The following MTMR2 variants were observed in gnomAD, a reference collection of about 807,000 sequenced individuals.
The protein encoded by MTMR2 is myotubularin related protein 2, also known as phosphatidylinositol-3,5-bisphosphate 3-phosphatase MTMR2.
Under a neutral mutation model 86.9 loss-of-function variants are expected in MTMR2, and 55 were observed. That is an observed-to-expected ratio of 0.63 (90% CI 0.51 to 0.79). MTMR2 has a LOEUF of 0.79. MTMR2 is among the 30% of genes least tolerant of loss of function. The pLI is 0.00. For synonymous variants in MTMR2, 241 were observed against 266.8 expected (o/e 0.90, Z 0.94); for missense variants, 659 against 772.3 (o/e 0.85, Z 1.74).
Position 95,923,969 on chromosome 11 carries a change from A to T in MTMR2, c.-15T>A. 4 of 1,555,044 alleles carry T rather than the reference A, an allele frequency of 2.6e-6. No individual in the cohort carries two copies. The South Asian group carries it at 4.7e-5, about 18-fold the overall frequency. Reference sequence around the variant, plus strand: ...CTCTTCTCCATCGCGCGGCAGGGGCAGCACAGGGAAAGGCTGAAGCAGTCT... The same window carrying T: ...CTCTTCTCCATCGCGCGGCAGGGGCTGCACAGGGAAAGGCTGAAGCAGTCT... On this transcript the variant is annotated 5_prime_UTR_variant, in exon 1 of 15. Transcript: ENST00000346299.
chr11:95,846,284 C>T (rs1863786575), intron 10 of MTMR2, among the ~76,000 whole-genome samples: 1 of 152,136 alleles, frequency 6.6e-6, no homozygotes, highest in Non-Finnish European at 1.5e-5. Flanking sequence ...ATTAAATAAA[C>T]ATTTATGGAG....
At chr11:95,905,353 A>G (rs1866227936) in intron 1 of MTMR2, among the ~76,000 whole-genome samples, 1 of 151,894 alleles carries the variant, frequency 6.6e-6, no homozygotes, top group Non-Finnish European at 1.5e-5. Context: ...ACACACACAC[A>G]CACACACACA....
At chr11:95,878,828 A>G (rs1428089697) in intron 2 of MTMR2, among the ~76,000 whole-genome samples, 1 of 152,178 alleles carries the variant, frequency 6.6e-6, no homozygotes, top group African/African-American at 2.4e-5. Context: ...AGAAAGACAG[A>G]AGATAGGTGA....
intron 2 of MTMR2, chr11:95,866,578 C>T (rs564994220): frequency 2.6e-5 from 4 of 151,684 alleles, no homozygotes; most frequent in African/African-American, 9.7e-5. Flanking sequence ...CATAAAGTAA[C>T]TTTAATGCAA....
rs2135464887 is a variant in MTMR2, at chr11:95,858,618, T to C, written c.483A>G (p.Leu161=). ...GCCCCTCAGGTTTATGAGCAAATCG[T>C]AAATTCCTAATATCCTAGAAAAGAT... The part of the protein sequence containing the change: ...LETVCKDIRN[L]RFAHKPEGRT... Residue 161 remains leucine (L), a synonymous_variant, in exon 6 of 15, where the codon TTA becomes TTG. Transcript: ENST00000346299. The C allele has an allele frequency of 6.2e-7, 1 of 1,607,906 alleles. No individual in the cohort carries two copies. Among genetic ancestry groups the C allele is most frequent in the Non-Finnish European group, 8.5e-7 (1 of 1,174,726 alleles).
intron 12 of MTMR2, among the ~76,000 whole-genome samples, chr11:95,839,692 A>G (rs929484586): frequency 1.3e-4 from 20 of 152,176 alleles, no homozygotes; most frequent in African/African-American, 4.8e-4. Flanking sequence ...GAGGAGAGGT[A>G]TAGAATCTGG....
chr11:95,865,018 G>GA (rs1020147423), intron 3 of MTMR2, among the ~76,000 whole-genome samples: 3 of 151,586 alleles, frequency 2.0e-5, no homozygotes, highest in Non-Finnish European at 2.9e-5. Flanking sequence ...AAAGCATGAG[G>GA]AAAAAAAACA....
intron 13 of MTMR2, among the ~76,000 whole-genome samples, chr11:95,837,220 A>AT (rs1863325103): frequency 6.6e-6 from 1 of 152,036 alleles, no homozygotes; most frequent in Non-Finnish European, 1.5e-5. Flanking sequence ...GAAATACTAC[A>AT]TAGCAGTTCT....
At chr11:95,867,657 A>G (rs906543937) in intron 2 of MTMR2, among the ~76,000 whole-genome samples, 1 of 152,164 alleles carries the variant, frequency 6.6e-6, no homozygotes, top group Non-Finnish European at 1.5e-5. Context: ...TAAACAACTA[A>G]TTCTACACTG....
chr11:95,858,545 C>T lies in MTMR2; in HGVS notation c.556G>A (p.Val186Ile). Reference sequence around the variant, plus strand: ...AAACATTTTACCAGGTTATTAGAGACAGGAAATGCATATTTCATTAGATTC... The same window carrying T: ...AAACATTTTACCAGGTTATTAGAGATAGGAAATGCATATTTCATTAGATTC... ...FENLMKYAFP[V>I]SNNLPLFAFE... The change falls in exon 6 of 15, where the codon GTC becomes ATC. Residue 186 changes from valine to isoleucine, a missense_variant. Coordinates refer to ENST00000346299, the MANE Select transcript of MTMR2 (RefSeq NM_016156.6). 6.2e-7 allele frequency: 1 copy of T among 1,609,184 alleles called. No individual in the cohort carries two copies. Among genetic ancestry groups the T allele is most frequent in the Non-Finnish European group, 8.5e-7 (1 of 1,175,752 alleles).
chr11:95,882,889 A>ATTTTTTTTT (rs776661875), intron 2 of MTMR2, among the ~76,000 whole-genome samples: 27 of 76,080 alleles, frequency 3.5e-4, no homozygotes, highest in Admixed American at 7.1e-4. Context: ...CATCCAGCTA[A>ATTTTTTTTT]TTTTTTTTTT....
At chr11:95,887,715 A>G (rs1226023346) in intron 2 of MTMR2, 2 of 173,992 alleles carry the variant, frequency 1.1e-5, no homozygotes, top group African/African-American at 4.8e-5. Context: ...TTTATTAGCT[A>G]TGAGATCTTG....
intron 1 of MTMR2, among the ~76,000 whole-genome samples, chr11:95,923,118 A>T (rs865883278): frequency 1.1e-4 from 16 of 152,238 alleles, no homozygotes; most frequent in South Asian, 2.1e-4. Flanking sequence ...CTCTCTGCAA[A>T]GCTGCATAAA....
Position 95,835,062 on chromosome 11 carries a change from T to C in MTMR2, c.*228A>G, listed in dbSNP as rs978145324. On this transcript the variant is annotated 3_prime_UTR_variant, in exon 15 of 15. Transcript: ENST00000346299. ...AGGATTGAAGTATTTTAATATTCTT[T>C]GGATACTTAAAAGATTAGTATCATA... 1.5e-5 allele frequency: 8 copies of C among 538,474 alleles called. No individual in the cohort carries two copies. Among genetic ancestry groups the C allele is most frequent in the African/African-American group, 3.8e-5 (2 of 52,598 alleles). 33.4% of individuals were successfully genotyped at this position (538,474 alleles called of 1,614,324 possible).
chr11:95,851,604 C>T (rs866608685), intron 7 of MTMR2, among the ~76,000 whole-genome samples: 6 of 152,140 alleles, frequency 3.9e-5, no homozygotes, highest in African/African-American at 9.7e-5. Flanking sequence ...TCAGGTGATC[C>T]GCCTGCCTCA....
At chr11:95,922,723 A>C (rs1866974014) in intron 1 of MTMR2, among the ~76,000 whole-genome samples, 1 of 152,220 alleles carries the variant, frequency 6.6e-6, no homozygotes, top group South Asian at 2.1e-4. Context: ...AAGACTCTGA[A>C]AAACGACTGT....
At chr11:95,912,909 T>C (rs1376402027) in intron 1 of MTMR2, 1 of 152,088 alleles carries the variant, frequency 6.6e-6, no homozygotes, top group Non-Finnish European at 1.5e-5. Context: ...GCACCTACTA[T>C]TTGCAAAACA....
In MTMR2 at chr11:95,888,203, A is replaced by G. The variant is rs372095826; in HGVS notation, c.139T>C (p.Ser47Pro). Residue 47 changes from serine (S) to proline (P), a missense_variant, in exon 2 of 15, where the codon TCA becomes CCA. Ser to Pro is a moderately conservative substitution (Grantham distance 74, BLOSUM62 -1). Coordinates refer to ENST00000346299, the MANE Select transcript of MTMR2 (RefSeq NM_016156.6). The stretch of plus-strand genomic sequence containing the variant: ...TCGGCAGAAGTTGAAATGGAATCTG[A>G]TGATACAACAGAAGCTGATTTTGTA... Reference protein sequence around the residue: ...VHTKSASVVSSDSISTSADNF... With the variant: ...VHTKSASVVSPDSISTSADNF... The G allele has an allele frequency of 2.6e-5, 42 of 1,613,534 alleles. No homozygotes were observed. The highest frequency in any genetic ancestry group is 3.5e-5 in the Non-Finnish European group (41 of 1,179,746).
intron 1 of MTMR2, among the ~76,000 whole-genome samples, chr11:95,922,647 C>T (rs977475529): frequency 6.6e-6 from 1 of 151,724 alleles, no homozygotes; most frequent in African/African-American, 2.4e-5. Context: ...AGATTGCCCT[C>T]AAGTATAATA....
Sources: gnomAD v4.1 joint callset for allele counts (sites outside exome capture counted in the v4.1 genomes callset) on GRCh38, gnomAD v4.1.1 for gene constraint, MANE v1.5 for transcripts, NCBI Gene and HGNC (gene_info 2026-07-23, HGNC 2026-07-21) for gene names.